Variants in TMEM87B observed in about 807,000 individuals in gnomAD.
TMEM87B encodes transmembrane protein 87B.
A neutral mutation model predicts 80.3 loss-of-function variants in TMEM87B; 83 were observed. That is an observed-to-expected ratio of 1.03 (90% CI 0.87 to 1.24). The LOEUF (loss-of-function observed/expected upper bound fraction) is 1.24, where lower values mean the gene tolerates loss of function less well. Among genes scored for constraint, TMEM87B ranks in the 50% most tolerant of loss-of-function variants. The probability of loss-of-function intolerance (pLI) is 0.00; values close to 1 mark genes in which losing one functional copy is unlikely to be tolerated. For synonymous variants in TMEM87B, 219 were observed against 230.5 expected (o/e 0.95, Z 0.45); for missense variants, 625 against 674.4 (o/e 0.93, Z 0.81).
At chr2:112,113,634 A>G (rs887165192) in intron 18 of TMEM87B, among the ~76,000 whole-genome samples, 4 of 151,972 alleles carry the variant, frequency 2.6e-5, no homozygotes, top group Non-Finnish European at 4.4e-5. Flanking sequence ...CTACAGAAAG[A>G]TGTAGCATTA....
rs561335397 is a variant in TMEM87B, at chr2:112,071,287, T to C, written c.451-3625T>C. ...CTTGGCTGTTGTTGGTGTACAGGTA[T>C]GCTAGTGATTCCCCCCCCGCCCCCC... On this transcript the variant is annotated intron_variant, in intron 4 of 18. Coordinates refer to ENST00000283206, the MANE Select transcript of TMEM87B (RefSeq NM_032824.3). Among the ~76,000 whole-genome samples the C allele has an allele frequency of 3.3e-5, 5 of 151,234 alleles. No homozygotes were observed. The East Asian group carries it at 7.8e-4, about 24-fold the overall frequency.
At chr2:112,088,943 T>C (rs1679225363) in intron 9 of TMEM87B, among the ~76,000 whole-genome samples, 1 of 152,078 alleles carries the variant, frequency 6.6e-6, no homozygotes, top group South Asian at 2.1e-4. Context: ...CTTTTTTTGG[T>C]AGAGACCGGG....
intron 8 of TMEM87B, among the ~76,000 whole-genome samples, chr2:112,082,604 A>G (rs1679030117): frequency 6.6e-6 from 1 of 152,160 alleles, no homozygotes; most frequent in Non-Finnish European, 1.5e-5. Flanking sequence ...AAGAAAGGAC[A>G]AACATCCAGG....
At chr2:112,070,170 A>C (rs948323059) in intron 4 of TMEM87B, among the ~76,000 whole-genome samples, 1 of 152,056 alleles carries the variant, frequency 6.6e-6, no homozygotes, top group Non-Finnish European at 1.5e-5. Flanking sequence ...GAAACTCTTT[A>C]GTTTAATTAG....
intron 1 of TMEM87B, among the ~76,000 whole-genome samples, 177 bp downstream of exon 1, chr2:112,055,933 C>T (rs1383099385): frequency 6.6e-6 from 1 of 152,240 alleles, no homozygotes; most frequent in Non-Finnish European, 1.5e-5. Context: ...GGCCCCTCCT[C>T]CGGCCCGACC....
Position 112,095,436 on chromosome 2 carries a change from T to G in TMEM87B, c.1105-1608T>G, listed in dbSNP as rs1214309440. On this transcript the variant is annotated intron_variant, in intron 11 of 18. Transcript: ENST00000283206. Reference sequence around the variant, plus strand: ...TAACAGTGTCTTGGTAAGTGGAGGCTTAGGCAATTTCAAATTTACTTTTTA... The same window carrying G: ...TAACAGTGTCTTGGTAAGTGGAGGCGTAGGCAATTTCAAATTTACTTTTTA... The G allele has an allele frequency of 3.6e-5, 35 of 983,574 alleles. No individual in the cohort carries two copies. The Admixed American group carries it at 4.9e-4, about 14-fold the overall frequency. The allele number at this position is 983,574 out of a possible 1,614,324, so 60.9% of individuals were successfully genotyped here.
At chr2:112,106,350 A>G (rs575016825) in intron 16 of TMEM87B, among the ~76,000 whole-genome samples, 1 of 152,328 alleles carries the variant, frequency 6.6e-6, no homozygotes, top group African/African-American at 2.4e-5. Flanking sequence ...GCAGAGTCTC[A>G]GGCCTACCCC....
intron 4 of TMEM87B, among the ~76,000 whole-genome samples, chr2:112,069,352 C>G (rs1437393251): frequency 6.6e-6 from 1 of 152,132 alleles, no homozygotes; most frequent in Non-Finnish European, 1.5e-5. Flanking sequence ...CTCTTTGTGT[C>G]TGCTGTTCCC....
chr2:112,082,823 A>T (rs1251337728), intron 8 of TMEM87B, among the ~76,000 whole-genome samples: 2 of 152,108 alleles, frequency 1.3e-5, no homozygotes, highest in African/African-American at 4.8e-5. Flanking sequence ...TAGTGAAGGT[A>T]AAGGGTGGCA....
intron 1 of TMEM87B, among the ~76,000 whole-genome samples, chr2:112,058,169 G>C (rs1304102003): frequency 1.3e-5 from 2 of 152,196 alleles, no homozygotes; most frequent in Non-Finnish European, 2.9e-5. Context: ...ATGAAGAAGA[G>C]GAGGGGAACA....
intron 5 of TMEM87B, among the ~76,000 whole-genome samples, chr2:112,076,082 A>T (rs557067707): frequency 6.6e-5 from 10 of 152,102 alleles, no homozygotes; most frequent in African/African-American, 2.4e-4. Context: ...TCTTCCCCCA[A>T]TTCAATTTAA....
At chr2:112,069,064 C>T (rs915854002) in intron 4 of TMEM87B, among the ~76,000 whole-genome samples, 18 of 151,320 alleles carry the variant, frequency 1.2e-4, no homozygotes, top group African/African-American at 2.4e-4. Context: ...CGGTGGCGGG[C>T]GCCTGTAGTC....
Position 112,077,265 on chromosome 2 carries a change from C to T in TMEM87B, c.575C>T (p.Ala192Val), listed in dbSNP as rs573397314. The T allele has an allele frequency of 6.3e-7, 1 of 1,582,554 alleles. No individual in the cohort carries two copies. Reference protein sequence around the residue: ...IVSIKTENTDASWNLNVSLSM... With the variant: ...IVSIKTENTDVSWNLNVSLSM... Reference sequence around the variant, plus strand: ...TCTATTAAAACGGAGAATACAGATGCAAGCTGGAATTTGAATGGTATAGTT... The same window carrying T: ...TCTATTAAAACGGAGAATACAGATGTAAGCTGGAATTTGAATGGTATAGTT... The change falls in exon 6 of 19, where the codon GCA becomes GTA. Residue 192 changes from alanine to valine, a missense_variant. Coordinates refer to ENST00000283206, the MANE Select transcript of TMEM87B (RefSeq NM_032824.3).
intron 16 of TMEM87B, among the ~76,000 whole-genome samples, chr2:112,107,014 A>C (rs1163714258): frequency 1.3e-5 from 2 of 152,190 alleles, no homozygotes; most frequent in African/African-American, 4.8e-5. Flanking sequence ...TGCCTCCTGT[A>C]GGGAGATGAG....
chr2:112,093,731 G>A (rs1220031629), intron 11 of TMEM87B, among the ~76,000 whole-genome samples: 5 of 152,148 alleles, frequency 3.3e-5, no homozygotes, highest in African/African-American at 7.2e-5. Flanking sequence ...TGCTAAAAAT[G>A]TGAAGTCTGT....
chr2:112,065,052 G>A (rs2104457245), intron 3 of TMEM87B, among the ~76,000 whole-genome samples: 1 of 152,110 alleles, frequency 6.6e-6, no homozygotes, highest in South Asian at 2.1e-4. Flanking sequence ...CTGAACTCCT[G>A]GACTCAAGTG....
intron 17 of TMEM87B, among the ~76,000 whole-genome samples, chr2:112,109,811 G>GAGTGC: frequency 6.7e-6 from 1 of 148,274 alleles, no homozygotes; most frequent in East Asian, 2.0e-4. Flanking sequence ...ACCCAGGGTG[G>GAGTGC]AGTGCAGTGC....
intron 5 of TMEM87B, 49 bp downstream of exon 5, chr2:112,075,011 A>G: frequency 2.6e-6 from 4 of 1,558,026 alleles, no homozygotes; most frequent in Non-Finnish European, 3.5e-6. Context: ...AGTTAACGTA[A>G]GACTGAAAAA....
intron 2 of TMEM87B, among the ~76,000 whole-genome samples, chr2:112,062,037 T>C (rs1349249049): frequency 6.6e-6 from 1 of 152,228 alleles, no homozygotes; most frequent in Non-Finnish European, 1.5e-5. Flanking sequence ...TGATCATTAC[T>C]AGTCCAGTTT....
Sources: allele counts gnomAD v4.1 joint callset (sites outside exome capture counted in the v4.1 genomes callset), GRCh38; gene constraint gnomAD v4.1.1; transcripts MANE v1.5; gene names NCBI Gene and HGNC (gene_info 2026-07-23, HGNC 2026-07-21).